Variants in AFTPH observed in about 807,000 individuals in gnomAD.
The protein encoded by AFTPH is aftiphilin protein.
In AFTPH, 7 loss-of-function variants were observed where a neutral mutation model predicts 72.5. That is an observed-to-expected ratio of 0.10 (90% confidence interval 0.05 to 0.18). The LOEUF is 0.18. Ranked by LOEUF, AFTPH falls within the 10% of genes least tolerant of loss-of-function variation. The pLI is 1.00. For missense variants in AFTPH, 979 were observed against 1,060.5 expected (o/e 0.92, Z 1.07); for synonymous variants, 337 against 370.1 (o/e 0.91, Z 1.03).
chr2:64,552,303 AAAG>A, exon 2 of AFTPH: 1 of 1,614,130 alleles, frequency 6.2e-7, no homozygotes, highest in African/African-American at 1.3e-5. Flanking sequence ...GAATTCTGTA[AAAG>A]AAGTGGCTTT....
chr2:64,565,619 A>G (rs1025806184), intron 2 of AFTPH, among the ~76,000 whole-genome samples: 2 of 152,174 alleles, frequency 1.3e-5, no homozygotes, highest in African/African-American at 4.8e-5. Flanking sequence ...ACCATGACCC[A>G]CAGGACAAAT....
At chr2:64,546,884 C>CA (rs758378321) in intron 1 of AFTPH, among the ~76,000 whole-genome samples, 2,409 of 133,832 alleles carry the variant, frequency 0.018, 25 homozygotes, top group Non-Finnish European at 0.023. Context: ...AAAAAAAATC[C>CA]AAAAAAAAAA....
intron 8 of AFTPH, among the ~76,000 whole-genome samples, chr2:64,591,552 T>C (rs982982934): frequency 1.3e-5 from 2 of 152,202 alleles, no homozygotes; most frequent in Non-Finnish European, 2.9e-5. Flanking sequence ...TATATTTCTG[T>C]TTAGTAACAT....
chr2:64,557,095 C>T (rs1240334596), intron 2 of AFTPH, among the ~76,000 whole-genome samples: 1 of 151,844 alleles, frequency 6.6e-6, no homozygotes, highest in Non-Finnish European at 1.5e-5. Context: ...TTTTTTCTGT[C>T]CTGGGAAGCC....
intron 1 of AFTPH, among the ~76,000 whole-genome samples, chr2:64,549,591 G>T (rs558247592): frequency 5.8e-4 from 89 of 152,166 alleles, no homozygotes; most frequent in African/African-American, 2.1e-3. Context: ...AAAGTGCTGG[G>T]ATTATAGGTG....
At chr2:64,590,041 C>A (rs10205308) in intron 8 of AFTPH, among the ~76,000 whole-genome samples, 78,743 of 151,062 alleles carry the variant, frequency 0.52, 23,473 homozygotes, top group African/African-American at 0.84. Flanking sequence ...GATCTCTGTC[C>A]ATTTCAGTGA....
exon 2 of AFTPH, chr2:64,553,080 A>T: frequency 6.2e-7 from 1 of 1,614,192 alleles, no homozygotes; most frequent in Non-Finnish European, 8.5e-7. Flanking sequence ...AGAAGGTGAG[A>T]TTGGACATTT....
chr2:64,576,175 T>C (rs1365375321), intron 6 of AFTPH, among the ~76,000 whole-genome samples: 1 of 146,096 alleles, frequency 6.8e-6, no homozygotes, highest in Non-Finnish European at 1.5e-5. Context: ...ATATATGGAT[T>C]TACATATACA....
chr2:64,576,197 AAC>A (rs1672792278), intron 6 of AFTPH, among the ~76,000 whole-genome samples: 1 of 147,352 alleles, frequency 6.8e-6, no homozygotes, highest in South Asian at 2.1e-4. Flanking sequence ...ATATATATAT[AAC>A]ATATATATAT....
chr2:64,530,120 C>T (rs1484146518), intron 1 of AFTPH, among the ~76,000 whole-genome samples: 2 of 152,084 alleles, frequency 1.3e-5, no homozygotes, highest in Non-Finnish European at 2.9e-5. Context: ...CATGCCATTG[C>T]ACCCCAGCCT....
intron 1 of AFTPH, among the ~76,000 whole-genome samples, chr2:64,543,497 A>T (rs764642697): frequency 2.4e-4 from 36 of 152,290 alleles, no homozygotes; most frequent in Middle Eastern, 3.4e-3. Flanking sequence ...TGGAAGGCTG[A>T]TTGCTTCACC....
chr2:64,524,402 G>A (rs575265529), exon 1 of AFTPH: 19 of 404,746 alleles, frequency 4.7e-5, no homozygotes, highest in African/African-American at 3.5e-4. Flanking sequence ...CGGCGGCGGC[G>A]GAAGAGGGCG....
chr2:64,535,409 G>C (rs1020642058), intron 1 of AFTPH, among the ~76,000 whole-genome samples: 1 of 152,170 alleles, frequency 6.6e-6, no homozygotes, highest in Non-Finnish European at 1.5e-5. Flanking sequence ...AATGTGATTT[G>C]CTTTGTTAAA....
chr2:64,525,882 T>A (rs577368045), intron 1 of AFTPH, among the ~76,000 whole-genome samples: 123 of 152,348 alleles, frequency 8.1e-4, no homozygotes, highest in Non-Finnish European at 1.4e-3. Context: ...ATATTTCACA[T>A]GGATTAAAAG....
chr2:64,577,522 A>G (rs1266451825), intron 6 of AFTPH, among the ~76,000 whole-genome samples: 1 of 152,202 alleles, frequency 6.6e-6, no homozygotes, highest in Non-Finnish European at 1.5e-5. Context: ...GTGTTCATGA[A>G]AGAACTTGCT....
intron 2 of AFTPH, among the ~76,000 whole-genome samples, chr2:64,565,474 CA>C (rs11447048): frequency 0.089 from 7,837 of 88,028 alleles, 590 homozygotes; most frequent in African/African-American, 0.25. Context: ...GACTCTATCT[CA>C]AAAAAAAAAA....
chr2:64,592,577 A>G (rs187803761), exon 9 of AFTPH: 26 of 151,726 alleles, frequency 1.7e-4, no homozygotes, highest in Admixed American at 3.3e-4. Flanking sequence ...AATCTGGCGT[A>G]TTGCTGTTTG....
intron 6 of AFTPH, among the ~76,000 whole-genome samples, chr2:64,578,375 T>TTTAACACCATCCCCAAAA (rs1285472052): frequency 6.6e-6 from 1 of 152,190 alleles, no homozygotes; most frequent in Non-Finnish European, 1.5e-5. Flanking sequence ...ATACAGGTTA[T>TTTAACACCATCCCCAAAA]TTTAACACCA....
At position 64,539,785 on chromosome 2, in the gene AFTPH, G is replaced by T. The variant is rs77389835; in HGVS notation, c.-32-11658G>T. Among the ~76,000 whole-genome samples the T allele has an allele frequency of 7.6e-4, 116 of 152,266 alleles. No individual in the cohort carries two copies. In the East Asian group the frequency reaches 0.019, roughly 26 times the overall value. On this transcript the variant is annotated intron_variant, in intron 1 of 8. Coordinates refer to ENST00000238856, the Ensembl canonical transcript of AFTPH. ...AAGTAACTCTTGAAAGAGCAGTTTC[G>T]GTAGAGCGGTAGCATGGAAGCCAGA...
Sources: gnomAD v4.1 joint callset for allele counts (sites outside exome capture counted in the v4.1 genomes callset) on GRCh38, gnomAD v4.1.1 for gene constraint, MANE v1.5 for transcripts, NCBI Gene and HGNC (gene_info 2026-07-23, HGNC 2026-07-21) for gene names.